Variants in ATXN7 observed in about 807,000 individuals in gnomAD.
ATXN7 encodes the protein ataxin 7.
A neutral mutation model predicts 70.5 loss-of-function variants in ATXN7; 12 were observed. The observed-to-expected ratio is 0.17, with a 90% CI of 0.11 to 0.28. The LOEUF (loss-of-function observed/expected upper bound fraction) is 0.28, where lower values mean the gene tolerates loss of function less well. ATXN7 is among the 10% of genes least tolerant of loss of function. ATXN7 has a pLI of 1.00. For synonymous variants in ATXN7, 498 were observed against 448.7 expected (o/e 1.11, Z -1.39); for missense variants, 1,256 against 1,131.7 (o/e 1.11, Z -1.58).
chr3:63,996,935 C>A (rs1404553803), intron 12 of ATXN7, among the ~76,000 whole-genome samples: 1 of 152,176 alleles, frequency 6.6e-6, no homozygotes, highest in Admixed American at 6.5e-5. Flanking sequence ...GCGCTAAAAT[C>A]AAACTGATCT....
chr3:64,000,157 G>C lies in ATXN7; in HGVS notation c.*690G>C, dbSNP rs1326172506. 1 of 152,200 alleles carries C rather than the reference G, an allele frequency of 6.6e-6. No individual in the cohort carries two copies. Among genetic ancestry groups the C allele is most frequent in the Non-Finnish European group, 1.5e-5 (1 of 68,010 alleles). The allele number at this position is 152,200 out of a possible 1,614,324, so 9.4% of individuals were successfully genotyped here. ...ACTGGTTTGAAATTTTTGATGCCCAGACAGCAAGTATAAATCATTTTGGAG... is the reference window on the plus strand; with the variant it reads ...ACTGGTTTGAAATTTTTGATGCCCACACAGCAAGTATAAATCATTTTGGAG... On this transcript the variant is annotated 3_prime_UTR_variant, in exon 13 of 13. Transcript: ENST00000674280.
intron 1 of ATXN7, among the ~76,000 whole-genome samples, chr3:63,882,598 C>G (rs1047735191): frequency 1.3e-5 from 2 of 151,924 alleles, no homozygotes; most frequent in Admixed American, 1.3e-4. Context: ...GTTGGCCGGG[C>G]TGATCTTGAA....
rs1419779078 is a variant in ATXN7, at chr3:63,908,866, G to A, written c.-11-3722G>A. Among the ~76,000 whole-genome samples, 16 of 152,180 alleles carry A rather than the reference G, an allele frequency of 1.1e-4. No homozygotes were observed. The East Asian group carries it at 1.9e-3, about 18-fold the overall frequency. The stretch of plus-strand genomic sequence containing the variant: ...GAGAACATCCCTAAATTTGGGTGAC[G>A]AGATAAGACCACATTTTAAATATGT... On this transcript the variant is annotated intron_variant, in intron 2 of 12. Transcript: ENST00000674280.
At chr3:63,964,108 ACG>A (rs2075179581) in intron 5 of ATXN7, among the ~76,000 whole-genome samples, 1 of 147,824 alleles carries the variant, frequency 6.8e-6, no homozygotes, top group Admixed American at 6.7e-5. Context: ...ACACACACAC[ACG>A]TATGATTAAT....
At chr3:63,891,554 C>T (rs985477757) in intron 1 of ATXN7, among the ~76,000 whole-genome samples, 2 of 149,974 alleles carry the variant, frequency 1.3e-5, no homozygotes, top group Admixed American at 1.3e-4. Flanking sequence ...AACTCCTGGC[C>T]TCAAGGGATC....
At chr3:63,895,474 C>T (rs1241906918) in intron 1 of ATXN7, among the ~76,000 whole-genome samples, 11 of 151,570 alleles carry the variant, frequency 7.3e-5, no homozygotes, top group South Asian at 6.2e-4. Flanking sequence ...TTTTAAAATA[C>T]GTTTTTTTAC....
chr3:63,991,913 C>T (rs751713338), intron 11 of ATXN7, among the ~76,000 whole-genome samples: 2 of 152,128 alleles, frequency 1.3e-5, no homozygotes, highest in South Asian at 2.1e-4. Flanking sequence ...GGGAATGTCA[C>T]GTCATGTATA....
chr3:63,990,926 G>C (rs2075661784), intron 11 of ATXN7, 67 bp downstream of exon 11: 1 of 1,604,512 alleles, frequency 6.2e-7, no homozygotes, highest in African/African-American at 1.3e-5. Context: ...TTTATTTCCT[G>C]TGAGACTGAT....
At position 63,995,806 on chromosome 3, in the gene ATXN7, G is replaced by A; in HGVS notation, c.1984G>A (p.Val662Ile). The A allele has an allele frequency of 6.2e-7, 1 of 1,614,148 alleles. No individual in the cohort carries two copies. The highest frequency in any genetic ancestry group is 8.5e-7 in the Non-Finnish European group (1 of 1,180,034). Residue 662 changes from valine to isoleucine, a missense_variant, in exon 12 of 13, where the codon GTT (valine) becomes ATT (isoleucine). Coordinates refer to ENST00000674280, the MANE Select transcript of ATXN7 (RefSeq NM_001377405.1). Reference sequence around the variant, plus strand: ...TTCCACGCCCTCTGGCCTTTCCTCGGTTCCTTCCTCCCCCATGTCCAGGAA... The same window carrying A: ...TTCCACGCCCTCTGGCCTTTCCTCGATTCCTTCCTCCCCCATGTCCAGGAA... ...SPSTPSGLSS[V>I]PSSPMSRKPQ...
intron 5 of ATXN7, among the ~76,000 whole-genome samples, chr3:63,955,963 C>T (rs1403231394): frequency 6.6e-6 from 1 of 152,188 alleles, no homozygotes; most frequent in Non-Finnish European, 1.5e-5. Context: ...TGGTGAGCAG[C>T]TTATTATTCG....
chr3:63,945,646 G>A (rs753465810), intron 4 of ATXN7, among the ~76,000 whole-genome samples: 66 of 152,212 alleles, frequency 4.3e-4, no homozygotes, highest in Non-Finnish European at 8.1e-4. Context: ...TGTCAGCCAG[G>A]TTAGGCACCA....
intron 11 of ATXN7, among the ~76,000 whole-genome samples, chr3:63,993,629 C>G (rs1047399143): frequency 2.0e-5 from 3 of 152,090 alleles, no homozygotes; most frequent in Admixed American, 6.5e-5. Flanking sequence ...GTTACTTTGC[C>G]TCTTTATACA....
rs755325529 is a variant in ATXN7 at position 63,913,273 on chromosome 3, T to G, written c.394+48T>G. The G allele has an allele frequency of 5.1e-6, 8 of 1,559,118 alleles. No homozygotes were observed. In the East Asian group the frequency reaches 1.6e-4, roughly 31 times the overall value. On this transcript the variant is annotated intron_variant, in intron 4 of 12. Coordinates refer to ENST00000674280, the MANE Select transcript of ATXN7 (RefSeq NM_001377405.1). ...AGTTTGTACAAACCCCTGGGAAGTT[T>G]CATTGACAGTTCACTGGGACCGGGA...
At chr3:63,999,310 A>T (rs1280431088) in intron 12 of ATXN7, 140 bp from the exon 13 acceptor site, 1 of 680,586 alleles carries the variant, frequency 1.5e-6, no homozygotes, top group African/African-American at 1.8e-5. Flanking sequence ...TCTATAGCTG[A>T]CTGTTCCTGG....
At chr3:63,962,907 T>G (rs1249564592) in intron 5 of ATXN7, among the ~76,000 whole-genome samples, 1 of 136,278 alleles carries the variant, frequency 7.3e-6, no homozygotes, top group Non-Finnish European at 1.6e-5. Flanking sequence ...ATTTTGTATT[T>G]CTTTTTTTTT....
chr3:63,938,464 C>T (rs541760667), intron 4 of ATXN7, among the ~76,000 whole-genome samples: 1 of 152,308 alleles, frequency 6.6e-6, no homozygotes, highest in South Asian at 2.1e-4. Context: ...CCCCTTTCCC[C>T]TCTTCAGTGT....
chr3:63,907,451 C>T (rs1317857748), intron 2 of ATXN7, among the ~76,000 whole-genome samples: 1 of 147,424 alleles, frequency 6.8e-6, no homozygotes, highest in African/African-American at 2.5e-5. Flanking sequence ...TTTTCCATTC[C>T]TTGTCTTTTT....
chr3:63,951,558 A>C (rs999708908), intron 4 of ATXN7, among the ~76,000 whole-genome samples: 3 of 152,250 alleles, frequency 2.0e-5, no homozygotes, highest in Non-Finnish European at 4.4e-5. Flanking sequence ...GAAATACTTA[A>C]AAAGTTAGAT....
rs750458875 is a variant in ATXN7 at position 63,988,282 on chromosome 3, T to C, written c.1319T>C (p.Phe440Ser). 5.0e-6 allele frequency: 8 copies of C among 1,613,894 alleles called. No individual in the cohort carries two copies. Among genetic ancestry groups the C allele is most frequent in the South Asian group, 1.1e-5 (1 of 91,078 alleles). Residue 440 changes from phenylalanine (F) to serine (S), a missense_variant, in exon 9 of 13, where the codon TTT becomes TCT. Transcript: ENST00000674280. ...GTGATTCCTTCCGAATCAAAGCCTT[T>C]TGTAGCTAGTAAACCTAAACCTCAC... Reference protein sequence around the residue: ...HGVIPSESKPFVASKPKPHTP... With the variant: ...HGVIPSESKPSVASKPKPHTP...
Sources: allele counts gnomAD v4.1 joint callset (sites outside exome capture counted in the v4.1 genomes callset), GRCh38; gene constraint gnomAD v4.1.1; transcripts MANE v1.5; gene names NCBI Gene and HGNC (gene_info 2026-07-23, HGNC 2026-07-21).